Variants in MME observed in about 807,000 individuals in gnomAD.
MME encodes neprilysin.
In MME, 98 loss-of-function variants were observed where a neutral mutation model predicts 113.2. That is an observed-to-expected ratio of 0.87 (90% CI 0.74 to 1.02). The LOEUF is 1.02. MME is among the 50% of genes least tolerant of loss of function. The probability of loss-of-function intolerance (pLI) is 0.00; values close to 1 mark genes in which losing one functional copy is unlikely to be tolerated. For synonymous variants in MME, 292 were observed against 300.6 expected, an observed-to-expected ratio of 0.97 and a Z score of 0.30; for missense variants, 836 against 896.0, an observed-to-expected ratio of 0.93 and a Z score of 0.86.
upstream of MME, among the ~76,000 whole-genome samples, chr3:155,077,761 G>A (rs534125788): frequency 2.0e-5 from 3 of 150,228 alleles, no homozygotes; most frequent in Admixed American, 2.0e-4. Flanking sequence ...AAAGAAAAGA[G>A]AAAAAGAAAA....
intron 1 of MME, among the ~76,000 whole-genome samples, chr3:155,054,213 T>G (rs1713853897): frequency 6.6e-6 from 1 of 152,204 alleles, no homozygotes; most frequent in South Asian, 2.1e-4. Flanking sequence ...TATTGGATTT[T>G]TTGGGACTAT....
intron 1 of MME, among the ~76,000 whole-genome samples, chr3:155,069,441 T>C (rs1209647414): frequency 1.3e-5 from 2 of 151,964 alleles, no homozygotes; most frequent in Non-Finnish European, 2.9e-5. Flanking sequence ...CAACTCAGAG[T>C]TGAGAGAGGT....
chr3:155,155,304 C>T (rs1722236116), intron 16 of MME, among the ~76,000 whole-genome samples: 2 of 152,104 alleles, frequency 1.3e-5, no homozygotes, highest in Admixed American at 1.3e-4. Flanking sequence ...TTAAAAGGTC[C>T]TAAACTTCCA....
intron 1 of MME, among the ~76,000 whole-genome samples, chr3:155,069,716 C>A (rs571970330): frequency 6.1e-4 from 93 of 152,128 alleles, no homozygotes; most frequent in Admixed American, 2.4e-3. Flanking sequence ...ATTAATATCA[C>A]CCTGAGTTCC....
At chr3:155,164,704 C>T (rs879542974) in intron 17 of MME, among the ~76,000 whole-genome samples, 5 of 152,138 alleles carry the variant, frequency 3.3e-5, no homozygotes, top group Admixed American at 2.6e-4. Context: ...ATAGTATTCA[C>T]TTTAACTTAA....
chr3:155,145,091 A>T (rs1028003601), intron 14 of MME, among the ~76,000 whole-genome samples: 8 of 152,154 alleles, frequency 5.3e-5, no homozygotes, highest in African/African-American at 1.9e-4. Flanking sequence ...ATTAAATCAC[A>T]TGGAAGGACT....
chr3:155,138,113 A>G lies in MME; in HGVS notation c.732A>G (p.Ala244=), dbSNP rs1720777175. Residue 244 remains alanine (A), a synonymous_variant, in exon 9 of 23, where the codon GCA becomes GCG. Transcript: ENST00000360490. ...CTGIYKEACT[A]YVDFMISVAR... ...TTTTTTTCTTGCAGGCTTGTACAGC[A>G]TATGTGGATTTTATGATTTCTGTGG... 1.2e-6 allele frequency: 2 copies of G among 1,613,766 alleles called. No individual in the cohort carries two copies. The highest frequency in any genetic ancestry group is 1.7e-6 in the Non-Finnish European group (2 of 1,179,776).
At chr3:155,078,763 A>AT (rs1714872950), upstream of MME, among the ~76,000 whole-genome samples, 1 of 151,894 alleles carries the variant, frequency 6.6e-6, no homozygotes, top group East Asian at 1.9e-4. Flanking sequence ...CAAAAAAAAA[A>AT]GGAAGTTTAG....
intron 3 of MME, among the ~76,000 whole-genome samples, chr3:155,086,061 A>T (rs942247775): frequency 1.3e-5 from 2 of 152,188 alleles, no homozygotes; most frequent in African/African-American, 4.8e-5. Context: ...AAGGTGAAAG[A>T]TGATTCTGCG....
chr3:155,088,731 G>GA (rs1231841084), intron 3 of MME, among the ~76,000 whole-genome samples: 1 of 150,996 alleles, frequency 6.6e-6, no homozygotes, highest in African/African-American at 2.4e-5. Flanking sequence ...GAGAGATGTT[G>GA]AAAAAATATA....
chr3:155,098,329 G>A (rs147258418), intron 3 of MME, among the ~76,000 whole-genome samples: 12 of 152,150 alleles, frequency 7.9e-5, no homozygotes, highest in African/African-American at 2.4e-4. Context: ...GCCAAGGCAG[G>A]CGAATCACCA....
At chr3:155,101,115 G>A (rs76816486) in intron 3 of MME, among the ~76,000 whole-genome samples, 2 of 152,058 alleles carry the variant, frequency 1.3e-5, no homozygotes, top group African/African-American at 2.4e-5. Flanking sequence ...TTCTTGCCAC[G>A]TGAGATGCCT....
rs1305393046 is a variant in MME at position 155,116,502 on chromosome 3, G to A, written c.382G>A (p.Glu128Lys). ...LKDVLQEPKT[E>K]DIVAVQKAKA... is the part of the protein sequence containing the mutation. ...AGATGTCCTTCAAGAACCCAAAACT[G>A]AAGATATAGTAGCAGTGCAGAAAGC... is the stretch of plus-strand genomic sequence containing the variant. Residue 128 changes from glutamate (E) to lysine (K), a missense_variant, in exon 5 of 23, where the codon GAA becomes AAA. Coordinates refer to ENST00000360490, the MANE Select transcript of MME (RefSeq NM_007289.4). 1.9e-6 allele frequency: 3 copies of A among 1,612,350 alleles called. No individual in the cohort carries two copies. The highest frequency in any genetic ancestry group is 2.5e-6 in the Non-Finnish European group (3 of 1,178,918).
chr3:155,133,743 T>C (rs962490721), intron 8 of MME, among the ~76,000 whole-genome samples: 3 of 146,064 alleles, frequency 2.1e-5, no homozygotes, highest in Non-Finnish European at 4.5e-5. Context: ...ATATATATGG[T>C]GTATATATAT....
chr3:155,061,891 C>T (rs891747011), intron 1 of MME, among the ~76,000 whole-genome samples: 1 of 152,138 alleles, frequency 6.6e-6, no homozygotes, highest in Admixed American at 6.5e-5. Context: ...GAACTCCTGG[C>T]CTCAAGTGAT....
chr3:155,164,089 A>G (rs1722910922), intron 17 of MME, among the ~76,000 whole-genome samples: 1 of 151,638 alleles, frequency 6.6e-6, no homozygotes, highest in Non-Finnish European at 1.5e-5. Flanking sequence ...GGTTGCAGTA[A>G]GCTGAGGTCA....
chr3:155,101,505 G>T (rs1248657232), intron 3 of MME, among the ~76,000 whole-genome samples: 1 of 152,120 alleles, frequency 6.6e-6, no homozygotes, highest in Non-Finnish European at 1.5e-5. Flanking sequence ...ATCTGCCTCT[G>T]ACCCCAGCTC....
At chr3:155,096,188 C>T (rs1276026358) in intron 3 of MME, among the ~76,000 whole-genome samples, 1 of 151,952 alleles carries the variant, frequency 6.6e-6, no homozygotes, top group African/African-American at 2.4e-5. Context: ...CATTATCTCC[C>T]GAAGTCTACA....
intron 4 of MME, among the ~76,000 whole-genome samples, 177 bp from the exon 5 acceptor site, chr3:155,116,302 G>C (rs1195465195): frequency 6.6e-6 from 1 of 151,962 alleles, no homozygotes; most frequent in African/African-American, 2.4e-5. Flanking sequence ...AAGGGGTTTG[G>C]TTTTTCCTAT....
Sources: gnomAD v4.1 joint callset for allele counts (sites outside exome capture counted in the v4.1 genomes callset) on GRCh38, gnomAD v4.1.1 for gene constraint, MANE v1.5 for transcripts, NCBI Gene and HGNC (gene_info 2026-07-23, HGNC 2026-07-21) for gene names.